KLF12: variants seen among roughly 807,000 people sequenced by gnomAD.
The protein encoded by KLF12 is KLF transcription factor 12.
Under a neutral mutation model 37.8 loss-of-function variants are expected in KLF12, and 9 were observed. The observed-to-expected ratio is 0.24, with a 90% CI of 0.14 to 0.42. The LOEUF (loss-of-function observed/expected upper bound fraction) is 0.42, where lower values mean the gene tolerates loss of function less well. KLF12 is among the 10% of genes least tolerant of loss of function. The probability of loss-of-function intolerance (pLI) is 1.00; values close to 1 mark genes in which losing one functional copy is unlikely to be tolerated. For missense variants in KLF12, 411 were observed against 516.0 expected, an observed-to-expected ratio of 0.80 and a Z score of 1.97; for synonymous variants, 208 against 202.1, an observed-to-expected ratio of 1.03 and a Z score of -0.25.
At position 73,783,390 on chromosome 13, in the gene KLF12, A is replaced by G. The variant is rs561331676; in HGVS notation, c.807-18390T>C. Reference sequence around the variant, plus strand: ...GGGTACAAACAAACATAAACTAAATAGAATAAGTTCCAGCGTTTGATAGAG... The same window carrying G: ...GGGTACAAACAAACATAAACTAAATGGAATAAGTTCCAGCGTTTGATAGAG... On this transcript the variant is annotated intron_variant, in intron 5 of 7. Coordinates refer to ENST00000377669, the MANE Select transcript of KLF12 (RefSeq NM_007249.5). Among the ~76,000 whole-genome samples the G allele has an allele frequency of 1.3e-3, 204 of 152,278 alleles. 2 individuals are homozygous for G. The highest frequency in any genetic ancestry group is 4.6e-3 in the African/African-American group (192 of 41,570).
chr13:74,036,167 A>G (rs892736374), intron 1 of KLF12, among the ~76,000 whole-genome samples: 2 of 152,170 alleles, frequency 1.3e-5, no homozygotes, highest in South Asian at 2.1e-4. Context: ...GATTTTCCTC[A>G]GACCATTTCC....
intron 3 of KLF12, among the ~76,000 whole-genome samples, chr13:73,902,382 T>C (rs1447568894): frequency 6.6e-6 from 1 of 152,152 alleles, no homozygotes; most frequent in Non-Finnish European, 1.5e-5. Flanking sequence ...TTGACATAGG[T>C]TATCTCAACT....
chr13:74,162,353 T>C, the KLF12 span, among the ~76,000 whole-genome samples: 149,170 of 152,350 alleles, frequency 0.98, 73,109 homozygotes, highest in Middle Eastern at 1. Context: ...TTGATCAACA[T>C]TGAAGAGACT....
intron 3 of KLF12, among the ~76,000 whole-genome samples, chr13:73,939,974 C>T (rs1305252589): frequency 1.3e-5 from 2 of 152,142 alleles, no homozygotes; most frequent in East Asian, 1.9e-4. Context: ...ATCTCCAGCA[C>T]CCCCACTGTA....
Position 73,892,458 on chromosome 13 carries a change from G to C in KLF12, c.124-46085C>G, listed in dbSNP as rs567039398. Among the ~76,000 whole-genome samples, 54 of 152,130 alleles carry C rather than the reference G, an allele frequency of 3.5e-4. 1 individual carries two copies. The highest frequency in any genetic ancestry group is 6.0e-4 in the Non-Finnish European group (41 of 67,992). On this transcript the variant is annotated intron_variant, in intron 3 of 7. Transcript: ENST00000377669. The stretch of plus-strand genomic sequence containing the variant: ...TATTCATTTGTATTTGAAAGGTATA[G>C]ACATTTTACCACCACTAAGACTTTA...
At chr13:73,781,682 A>G (rs773223996) in intron 5 of KLF12, among the ~76,000 whole-genome samples, 1 of 152,238 alleles carries the variant, frequency 6.6e-6, no homozygotes, top group South Asian at 2.1e-4. Flanking sequence ...TTGGCAAAAA[A>G]GAAAGCAAGT....
chr13:73,738,104 T>TACACACACAG (rs772058212), intron 6 of KLF12, among the ~76,000 whole-genome samples: 1 of 103,580 alleles, frequency 9.7e-6, no homozygotes, highest in Non-Finnish European at 1.9e-5. Context: ...TATATATATA[T>TACACACACAG]ATATATATAT....
intron 5 of KLF12, among the ~76,000 whole-genome samples, chr13:73,784,871 C>T (rs980676009): frequency 2.6e-5 from 4 of 151,904 alleles, no homozygotes; most frequent in Admixed American, 6.6e-5. Flanking sequence ...CTCCTGACCT[C>T]GTGATCCACC....
chr13:73,718,213 G>A (rs1393438841), intron 6 of KLF12, among the ~76,000 whole-genome samples: 2 of 151,792 alleles, frequency 1.3e-5, no homozygotes, highest in Non-Finnish European at 2.9e-5. Flanking sequence ...AAGGAGAAAC[G>A]TAAAAAAAAG....
chr13:73,812,961 T>G, intron 5 of KLF12, 191 bp downstream of exon 5: 1 of 572,340 alleles, frequency 1.7e-6, no homozygotes. Context: ...AAGCATGAAT[T>G]TCCAACTCAT....
intron 5 of KLF12, among the ~76,000 whole-genome samples, chr13:73,784,276 G>C (rs1002105218): frequency 7.2e-5 from 11 of 151,890 alleles, no homozygotes; most frequent in Non-Finnish European, 2.9e-5. Flanking sequence ...ATCAACCCTA[G>C]TTCAAAAACC....
rs149281989 is a variant in KLF12 at position 73,837,017 on chromosome 13, C to T, written c.670+8810G>A. 1.2e-3 allele frequency among the ~76,000 whole-genome samples: 176 copies of T among 152,272 alleles called. No homozygotes were observed. The Middle Eastern group carries it at 0.017, about 15-fold the overall frequency. ...AGCCCATTTTTTAAACATCTTCTTGCTTTAGCTGCTTTACCTAACAAATGG... is the reference window on the plus strand; with the variant it reads ...AGCCCATTTTTTAAACATCTTCTTGTTTTAGCTGCTTTACCTAACAAATGG... On this transcript the variant is annotated intron_variant, in intron 4 of 7. Transcript: ENST00000377669.
the KLF12 span, among the ~76,000 whole-genome samples, chr13:74,272,744 T>C: frequency 6.6e-6 from 1 of 152,174 alleles, no homozygotes. Flanking sequence ...AAGAAGGCTA[T>C]GTGTCTAGAA....
At chr13:73,825,944 A>T (rs924363693) in intron 4 of KLF12, among the ~76,000 whole-genome samples, 4 of 152,092 alleles carry the variant, frequency 2.6e-5, no homozygotes, top group African/African-American at 9.7e-5. Context: ...TAAGCTATCA[A>T]ATAAGATGTC....
At chr13:74,179,019 A>G in the KLF12 span, among the ~76,000 whole-genome samples, 4 of 152,254 alleles carry the variant, frequency 2.6e-5, no homozygotes, top group African/African-American at 9.6e-5. Context: ...CTGGTGGTCA[A>G]TAAGTATTTA....
chr13:74,009,677 T>C (rs1431577357), intron 1 of KLF12, among the ~76,000 whole-genome samples: 1 of 152,176 alleles, frequency 6.6e-6, no homozygotes, highest in East Asian at 1.9e-4. Flanking sequence ...GCATGTATGG[T>C]CCTATAAGTA....
At chr13:73,720,189 T>C (rs747299375) in intron 6 of KLF12, among the ~76,000 whole-genome samples, 1 of 152,108 alleles carries the variant, frequency 6.6e-6, no homozygotes, top group Non-Finnish European at 1.5e-5. Flanking sequence ...TCTTGCCCCA[T>C]CTCACTCGAG....
chr13:74,219,943 T>C, the KLF12 span, among the ~76,000 whole-genome samples: 1 of 152,166 alleles, frequency 6.6e-6, no homozygotes, highest in South Asian at 2.1e-4. Context: ...AAAACAATAA[T>C]TTTAGGATTT....
the KLF12 span, among the ~76,000 whole-genome samples, chr13:74,255,482 G>A: frequency 6.6e-6 from 1 of 152,128 alleles, no homozygotes; most frequent in African/African-American, 2.4e-5. Flanking sequence ...TTAACAGCAG[G>A]CTACTAATCA....
Sources: allele counts gnomAD v4.1 joint callset (sites outside exome capture counted in the v4.1 genomes callset), GRCh38; gene constraint gnomAD v4.1.1; transcripts MANE v1.5; gene names NCBI Gene and HGNC (gene_info 2026-07-23, HGNC 2026-07-21).